COL4A6: variants seen among roughly 807,000 people sequenced by gnomAD.
COL4A6 encodes collagen alpha-6(IV) chain.
In COL4A6, 59 loss-of-function variants were observed where a neutral mutation model predicts 126.7. That is an observed-to-expected ratio of 0.47 (90% CI 0.38 to 0.58). The LOEUF (loss-of-function observed/expected upper bound fraction) is 0.58, where lower values mean the gene tolerates loss of function less well. Among genes scored for constraint, COL4A6 ranks in the 20% least tolerant of loss-of-function variants. The pLI, the probability that COL4A6 is intolerant of heterozygous loss-of-function variation, is 0.00. For missense variants in COL4A6, 1,285 were observed against 1,337.3 expected (o/e 0.96, Z 0.61); for synonymous variants, 547 against 496.6 (o/e 1.10, Z -1.35).
chrX:108,159,364 C>A, intron 44 of COL4A6, 98 bp downstream of exon 44: 1 of 1,004,233 alleles, frequency 1.0e-6, no homozygotes, highest in Admixed American at 2.8e-5. Flanking sequence ...CTCTTCTTTT[C>A]AAACTCTATG....
intron 28 of COL4A6, 24 bp from the exon 29 acceptor site, chrX:108,175,821 T>C (rs1296797431): frequency 8.6e-7 from 1 of 1,168,079 alleles, no homozygotes; most frequent in East Asian, 3.0e-5. Context: ...AGAACTTTTA[T>C]TATCACTCCC....
intron 2 of COL4A6, among the ~76,000 whole-genome samples, chrX:108,407,807 T>C (rs2041235507): frequency 8.9e-6 from 1 of 112,514 alleles, no homozygotes; most frequent in Non-Finnish European, 1.9e-5. Flanking sequence ...CTGTATGATT[T>C]ACGGAATTCA....
At chrX:108,322,170 C>T (rs762024055) in intron 2 of COL4A6, among the ~76,000 whole-genome samples, 8 of 111,422 alleles carry the variant, frequency 7.2e-5, no homozygotes, top group African/African-American at 2.3e-4. Flanking sequence ...TACACACACA[C>T]GGGCACACAC....
intron 3 of COL4A6, among the ~76,000 whole-genome samples, chrX:108,235,850 G>C (rs1334721496): frequency 9.0e-6 from 1 of 110,607 alleles, no homozygotes; most frequent in South Asian, 3.9e-4. Flanking sequence ...ATCGAGGAGG[G>C]GGGAAGTGGC....
intron 2 of COL4A6, among the ~76,000 whole-genome samples, chrX:108,420,386 G>A (rs1448781839): frequency 2.7e-5 from 3 of 111,476 alleles, no homozygotes; most frequent in Admixed American, 9.6e-5. Flanking sequence ...TTATGGACAC[G>A]TAGCATAAAC....
At chrX:108,169,431 A>G in intron 37 of COL4A6, 64 bp downstream of exon 37, 1 of 1,187,814 alleles carries the variant, frequency 8.4e-7, no homozygotes, top group South Asian at 1.9e-5. Flanking sequence ...GCCCTGCTGT[A>G]CCCTAAACCT....
At chrX:108,275,409 T>C (rs2147779287) in intron 3 of COL4A6, among the ~76,000 whole-genome samples, 1 of 112,380 alleles carries the variant, frequency 8.9e-6, no homozygotes, top group East Asian at 2.8e-4. Context: ...CCTATCTGTA[T>C]GGCACACTCA....
intron 8 of COL4A6, among the ~76,000 whole-genome samples, chrX:108,209,576 T>C (rs1010233875): frequency 8.9e-6 from 1 of 111,765 alleles, no homozygotes; most frequent in Non-Finnish European, 1.9e-5. Context: ...TTATCAAGAG[T>C]CCCTAAAAGG....
At chrX:108,400,172 T>G (rs781465897) in intron 2 of COL4A6, among the ~76,000 whole-genome samples, 61 of 111,747 alleles carry the variant, frequency 5.5e-4, no homozygotes, top group Non-Finnish European at 1.0e-3. Flanking sequence ...CCCTCTTTAC[T>G]GCTGGGCAAA....
chrX:108,279,098 A>C lies in COL4A6; in HGVS notation c.144+31650T>G, dbSNP rs929343536. Among the ~76,000 whole-genome samples, 3 of 112,097 alleles carry C rather than the reference A, an allele frequency of 2.7e-5. No individual in the cohort carries two copies. In the South Asian group the frequency reaches 1.1e-3, roughly 42 times the overall value. The stretch of plus-strand genomic sequence containing the variant: ...AACTGCATCAACTAACTAGCAAAAT[A>C]ACCAGCTAACATCATCATGACAGGA... On this transcript the variant is annotated intron_variant, in intron 3 of 44. Coordinates refer to ENST00000334504, the MANE Select transcript of COL4A6 (RefSeq NM_033641.4).
chrX:108,238,093 T>C (rs1224898991), intron 3 of COL4A6, among the ~76,000 whole-genome samples: 1 of 105,131 alleles, frequency 9.5e-6, no homozygotes, highest in Non-Finnish European at 1.9e-5. Context: ...TATCTGGTTT[T>C]GGGTGTGTGT....
chrX:108,161,948 AC>A lies in COL4A6; in HGVS notation c.4217-214del, dbSNP rs200708227. 7.4e-3 allele frequency among the ~76,000 whole-genome samples: 832 copies of A among 112,514 alleles called. 4 individuals carry two copies. The highest frequency in any genetic ancestry group is 0.026 in the African/African-American group (794 of 31,016). ...TCTCTGCCCTGGGGCAGTGCCCTCA[AC>A]TTAGCCTTTCTGAGCCCCTTCATGC... is the stretch of plus-strand genomic sequence containing the variant. On this transcript the variant is annotated intron_variant, in intron 41 of 44. Coordinates refer to ENST00000334504, the MANE Select transcript of COL4A6 (RefSeq NM_033641.4).
At chrX:108,368,157 T>A (rs1485634586) in intron 2 of COL4A6, among the ~76,000 whole-genome samples, 1 of 109,795 alleles carries the variant, frequency 9.1e-6, no homozygotes, top group Non-Finnish European at 1.9e-5. Flanking sequence ...TTCATTTAGG[T>A]TTATACAAAC....
chrX:108,176,930 C>G lies in COL4A6; in HGVS notation c.2597G>C (p.Gly866Ala), dbSNP rs750238316. The change falls in exon 28 of 45, where the codon GGC becomes GCC. Residue 866 changes from glycine (G) to alanine (A), a missense_variant. Transcript: ENST00000334504. ...TACTAGGCCTGGATTTCCAGGAAGGCCTTTTAGCCCTGGCAGCCCTTTCTT... is the reference window on the plus strand; with the variant it reads ...TACTAGGCCTGGATTTCCAGGAAGGGCTTTTAGCCCTGGCAGCCCTTTCTT... ...IVKKGLPGLKGLPGNPGLVGL... is the reference protein window; with the variant it reads ...IVKKGLPGLKALPGNPGLVGL... 6 of 1,210,245 alleles carry G rather than the reference C, an allele frequency of 5.0e-6. No individual in the cohort carries two copies. The Admixed American group carries it at 8.7e-5, about 18-fold the overall frequency.
At chrX:108,299,696 G>T (rs923821237) in intron 3 of COL4A6, among the ~76,000 whole-genome samples, 1 of 111,894 alleles carries the variant, frequency 8.9e-6, no homozygotes, top group African/African-American at 3.3e-5. Context: ...TCTTTCTTGG[G>T]GCTAAAGAAA....
chrX:108,174,696 C>T, intron 30 of COL4A6, 75 bp from the exon 31 acceptor site: 1 of 946,866 alleles, frequency 1.1e-6, no homozygotes. Context: ...GCAGGTGCCC[C>T]AGGTCGCAGG....
chrX:108,376,548 G>C (rs1603187679), intron 2 of COL4A6, among the ~76,000 whole-genome samples: 1 of 112,038 alleles, frequency 8.9e-6, no homozygotes, highest in South Asian at 3.7e-4. Context: ...AGGTTGCAGT[G>C]AGCCAAGATC....
chrX:108,358,276 A>G (rs981983422), intron 2 of COL4A6, among the ~76,000 whole-genome samples: 2 of 112,244 alleles, frequency 1.8e-5, no homozygotes, highest in Non-Finnish European at 3.8e-5. Context: ...GAATGGAAGC[A>G]TGAACACTGA....
chrX:108,166,152 A>T (rs2034122649), intron 37 of COL4A6, among the ~76,000 whole-genome samples: 1 of 112,771 alleles, frequency 8.9e-6, no homozygotes, highest in African/African-American at 3.2e-5. Context: ...ACTTATTACA[A>T]TAGATACAGA....
Sources: allele counts gnomAD v4.1 joint callset (sites outside exome capture counted in the v4.1 genomes callset), GRCh38; gene constraint gnomAD v4.1.1; transcripts MANE v1.5; gene names NCBI Gene and HGNC (gene_info 2026-07-23, HGNC 2026-07-21).